Variants in CSMD1 observed in about 807,000 individuals in gnomAD.
CSMD1 encodes the protein CUB and sushi domain-containing protein 1.
Under a neutral mutation model 417.5 loss-of-function variants are expected in CSMD1, and 213 were observed. That is an observed-to-expected ratio of 0.51 (90% CI 0.46 to 0.57). The LOEUF is 0.57. CSMD1 is among the 20% of genes least tolerant of loss of function. The pLI is 0.00. For missense variants in CSMD1, 6,923 were observed against 4,529.7 expected (o/e 1.53, Z -15.17); for synonymous variants, 2,862 against 1,736.8 (o/e 1.65, Z -16.11).
chr8:3,792,807 G>T (rs1188709350), intron 5 of CSMD1, among the ~76,000 whole-genome samples: 1 of 152,178 alleles, frequency 6.6e-6, no homozygotes, highest in East Asian at 1.9e-4. Context: ...TATTGATAAT[G>T]ACAGAGAAAC....
chr8:4,180,074 C>G (rs1212682302), intron 3 of CSMD1, among the ~76,000 whole-genome samples: 1 of 152,162 alleles, frequency 6.6e-6, no homozygotes, highest in Non-Finnish European at 1.5e-5. Context: ...CATCCCATTA[C>G]TGGGTATATA....
At chr8:3,193,515 C>T (rs963379969) in intron 33 of CSMD1, among the ~76,000 whole-genome samples, 2 of 152,034 alleles carry the variant, frequency 1.3e-5, no homozygotes, top group South Asian at 2.1e-4. Flanking sequence ...CCTCCCCGCC[C>T]GTCCTCTGGG....
At chr8:4,785,527 G>A (rs1273982556) in intron 1 of CSMD1, among the ~76,000 whole-genome samples, 1 of 152,142 alleles carries the variant, frequency 6.6e-6, no homozygotes, top group Non-Finnish European at 1.5e-5. Flanking sequence ...GCACCAGAGA[G>A]CTTGGTTTCC....
chr8:3,320,736 C>A (rs965799896), intron 23 of CSMD1, among the ~76,000 whole-genome samples: 2 of 152,138 alleles, frequency 1.3e-5, no homozygotes, highest in Admixed American at 6.5e-5. Context: ...CATCCATCAG[C>A]CTAACTGTGG....
intron 1 of CSMD1, among the ~76,000 whole-genome samples, chr8:4,958,863 C>T (rs938225396): frequency 2.0e-5 from 3 of 152,102 alleles, no homozygotes; most frequent in Non-Finnish European, 4.4e-5. Context: ...TCAAAGAAAG[C>T]AGGTAATTTA....
Position 3,029,446 on chromosome 8 carries a change from G to C in CSMD1, c.7728C>G (p.Ser2576=), listed in dbSNP as rs140788115. The change falls in exon 51 of 70, where the codon TCC becomes TCG. Residue 2576 remains serine, a synonymous_variant. Coordinates refer to ENST00000635120, the MANE Select transcript of CSMD1 (RefSeq NM_033225.6). The part of the protein sequence containing the change: ...EHVIWRLVSG[S]LNEYGAQVLL... ...ATACTTGAGCACCGTACTCATTCAA[G>C]GATCCTGAAACCAGCCTCCAGATGA... 2.0e-4 allele frequency: 324 copies of C among 1,609,350 alleles called. 2 individuals are homozygous for C. In the Admixed American group the frequency reaches 5.3e-3, roughly 26 times the overall value.
chr8:3,149,692 G>T (rs1329252105), intron 40 of CSMD1, among the ~76,000 whole-genome samples: 1 of 152,166 alleles, frequency 6.6e-6, no homozygotes. Context: ...TGGCCAGGAT[G>T]ATCTCGATCT....
intron 3 of CSMD1, among the ~76,000 whole-genome samples, chr8:4,060,627 C>G (rs59516451): frequency 6.6e-6 from 1 of 151,998 alleles, no homozygotes; most frequent in African/African-American, 2.4e-5. Flanking sequence ...AGCGATGGGG[C>G]TACTGGAGGA....
At chr8:3,735,620 G>T (rs374477869) in intron 6 of CSMD1, among the ~76,000 whole-genome samples, 1 of 152,144 alleles carries the variant, frequency 6.6e-6, no homozygotes, top group Non-Finnish European at 1.5e-5. Context: ...CTCTCCACAG[G>T]TAAGTCTGAA....
intron 7 of CSMD1, 117 bp downstream of exon 7, chr8:3,708,297 A>G: frequency 2.6e-6 from 2 of 768,754 alleles, no homozygotes; most frequent in Non-Finnish European, 4.4e-6. Flanking sequence ...TGGATATAGA[A>G]AAGAAGGAAG....
chr8:3,432,746 C>A (rs1169326849), intron 12 of CSMD1, among the ~76,000 whole-genome samples: 1 of 152,092 alleles, frequency 6.6e-6, no homozygotes, highest in Admixed American at 6.6e-5. Context: ...GCTCTCTTGA[C>A]CTCGTGATCT....
intron 3 of CSMD1, among the ~76,000 whole-genome samples, chr8:4,172,066 T>A (rs1310113974): frequency 3.3e-5 from 5 of 152,096 alleles, no homozygotes; most frequent in African/African-American, 1.2e-4. Flanking sequence ...TTAAAGTATC[T>A]CTTTCTCAGG....
In CSMD1 at chr8:4,049,858, A is replaced by G. The variant is rs141012026; in HGVS notation, c.416-17759T>C. On this transcript the variant is annotated intron_variant, in intron 3 of 69. Transcript: ENST00000635120. ...CAATATTGGCATATTCTTCTTCACT[A>G]AAGTCTTATTGAATTATCTTAGCTT... 2.6e-3 allele frequency among the ~76,000 whole-genome samples: 403 copies of G among 152,188 alleles called. 4 individuals carry two copies. The highest frequency in any genetic ancestry group is 8.3e-3 in the African/African-American group (345 of 41,524).
At chr8:3,654,197 A>C (rs1454043311) in intron 7 of CSMD1, among the ~76,000 whole-genome samples, 1 of 152,192 alleles carries the variant, frequency 6.6e-6, no homozygotes, top group East Asian at 1.9e-4. Context: ...CAGTGTTTTA[A>C]TATTTACCTT....
chr8:4,952,062 T>C (rs975410986), intron 1 of CSMD1, among the ~76,000 whole-genome samples: 6 of 151,574 alleles, frequency 4.0e-5, no homozygotes, highest in African/African-American at 1.5e-4. Flanking sequence ...TTACACGTAA[T>C]TGTAAGCAAA....
rs957201761 is a variant in CSMD1 at position 3,102,814 on chromosome 8, G to T, written c.6949+3714C>A. ...AGCCAGCGCCTTTATACAAAGCCTG[G>T]AAGGTAACAAAGAGTTTTCCCTAGG... On this transcript the variant is annotated intron_variant, in intron 46 of 69. Transcript: ENST00000635120. 5.9e-5 allele frequency among the ~76,000 whole-genome samples: 9 copies of T among 152,328 alleles called. No homozygotes were observed. In the South Asian group the frequency reaches 1.9e-3, roughly 32 times the overall value.
chr8:2,948,473 C>G (rs1802403494), intron 68 of CSMD1, among the ~76,000 whole-genome samples: 1 of 152,078 alleles, frequency 6.6e-6, no homozygotes, highest in African/African-American at 2.4e-5. Flanking sequence ...ACTTACCTGT[C>G]TATGTAGAAT....
intron 1 of CSMD1, among the ~76,000 whole-genome samples, chr8:4,703,344 T>C (rs1807709531): frequency 6.6e-6 from 1 of 152,190 alleles, no homozygotes; most frequent in Non-Finnish European, 1.5e-5. Flanking sequence ...CCACGGACCT[T>C]TCTGCAAAGA....
chr8:4,203,167 T>G (rs147994284), intron 3 of CSMD1, among the ~76,000 whole-genome samples: 333 of 152,298 alleles, frequency 2.2e-3, no homozygotes, highest in Non-Finnish European at 4.1e-3. Context: ...CAGAGGGACA[T>G]GTCATTTAAA....
Sources: allele counts gnomAD v4.1 joint callset (sites outside exome capture counted in the v4.1 genomes callset), GRCh38; gene constraint gnomAD v4.1.1; transcripts MANE v1.5; gene names NCBI Gene and HGNC (gene_info 2026-07-23, HGNC 2026-07-21).